Variants in XDH observed in about 807,000 individuals in gnomAD.
The protein encoded by XDH is xanthine dehydrogenase.
XDH carries 138 observed loss-of-function variants against 156.1 expected under a neutral mutation model. The observed-to-expected ratio is 0.88, with a 90% CI of 0.77 to 1.02. The LOEUF is 1.02. Ranked by LOEUF, XDH falls within the 50% of genes least tolerant of loss-of-function variation. XDH has a pLI of 0.00. For missense variants in XDH, 1,849 were observed against 1,684.9 expected (o/e 1.10, Z -1.71); for synonymous variants, 669 against 625.7 (o/e 1.07, Z -1.03).
chr2:31,342,028 C>T (rs1166533702), intron 32 of XDH, among the ~76,000 whole-genome samples, 155 bp downstream of exon 32: 1 of 152,296 alleles, frequency 6.6e-6, no homozygotes. Flanking sequence ...GTCTAAAACA[C>T]TTACTCTGTG....
In XDH at chr2:31,366,983, T is replaced by C. The variant is rs1685931438; in HGVS notation, c.2209A>G (p.Ile737Val). ...ADNVVSGEIY[I>V]GGQEHFYLET... The stretch of plus-strand genomic sequence containing the variant: ...AGGTAGAAGTGCTCTTGGCCACCGA[T>C]GTATATCTCCCCTGGGGAAGCAGTG... Residue 737 changes from isoleucine (I) to valine (V), a missense_variant, in exon 21 of 36, where the codon ATC (isoleucine) becomes GTC (valine). By Grantham distance (29) the Ile-to-Val change is conservative (BLOSUM62 3). Coordinates refer to ENST00000379416, the MANE Select transcript of XDH (RefSeq NM_000379.4). 1 of 1,614,112 alleles carries C rather than the reference T, an allele frequency of 6.2e-7. No individual in the cohort carries two copies.
intron 6 of XDH, among the ~76,000 whole-genome samples, chr2:31,390,344 A>C (rs943800434): frequency 3.3e-5 from 5 of 152,216 alleles, no homozygotes; most frequent in African/African-American, 7.2e-5. Context: ...TCATAGCTTG[A>C]TAGCTCCTTT....
At position 31,403,114 on chromosome 2, in the gene XDH, C is replaced by A. The variant is rs938507515; in HGVS notation, c.131G>T (p.Gly44Val). The change falls in exon 3 of 36, where the codon GGA becomes GTA. Residue 44 changes from glycine to valine, a missense_variant. Physicochemically the swap from Gly to Val is moderately radical, Grantham distance 109 (BLOSUM62 -3). Transcript: ENST00000379416. ...TGTGCAAGCCCCGCAGCCCCCCTCT[C>A]CACAGCCGAGCTTGGTTCCACTCAG... ...LGLSGTKLGC[G>V]EGGCGACTVM... 6.2e-6 allele frequency: 10 copies of A among 1,614,076 alleles called. No homozygotes were observed. The highest frequency in any genetic ancestry group is 8.5e-6 in the Non-Finnish European group (10 of 1,180,050).
Position 31,375,392 on chromosome 2 carries a change from C to A in XDH, c.1590G>T (p.Glu530Asp). ...AGGCCCCACTCACGTCTTCCAGGTT[C>A]TCTTGGCCCAGCTTCTGAAGGACTG... Reference protein sequence around the residue: ...YLTVLQKLGQENLEDKCGKLD... With the variant: ...YLTVLQKLGQDNLEDKCGKLD... Residue 530 changes from glutamate (E) to aspartate (D), a missense_variant, in exon 15 of 36, where the codon GAG becomes GAT. Glu to Asp is a conservative substitution (Grantham distance 45). Transcript: ENST00000379416. The A allele has an allele frequency of 6.2e-7, 1 of 1,614,194 alleles. No individual in the cohort carries two copies. The highest frequency in any genetic ancestry group is 8.5e-7 in the Non-Finnish European group (1 of 1,180,040).
rs45538232 is a variant in XDH at position 31,369,334 on chromosome 2, A to G, written c.1981-674T>C. On this transcript the variant is annotated intron_variant, in intron 18 of 35. Transcript: ENST00000379416. ...CCCATAAAAATATTTTTAAAAATTT[A>G]TATGATAATGATTGTTGTTTTATTT... 6.2e-3 allele frequency among the ~76,000 whole-genome samples: 945 copies of G among 152,328 alleles called. 8 individuals are homozygous for G. Among genetic ancestry groups the G allele is most frequent in the African/African-American group, 0.022 (907 of 41,580 alleles).
chr2:31,378,102 G>GAAAT (rs1686307895), intron 13 of XDH, among the ~76,000 whole-genome samples: 5 of 60,318 alleles, frequency 8.3e-5, no homozygotes, highest in Admixed American at 3.9e-4. Flanking sequence ...AAGAAAGAAA[G>GAAAT]AAAGAAAGGA....
intron 24 of XDH, among the ~76,000 whole-genome samples, chr2:31,357,389 G>A (rs1468463668): frequency 1.3e-5 from 2 of 152,040 alleles, no homozygotes; most frequent in African/African-American, 4.8e-5. Context: ...TACCAAATCA[G>A]GATTGAAACA....
At chr2:31,389,088 G>T (rs1302109736) in intron 6 of XDH, among the ~76,000 whole-genome samples, 1 of 152,198 alleles carries the variant, frequency 6.6e-6, no homozygotes, top group Non-Finnish European at 1.5e-5. Flanking sequence ...GTGCTGAGAT[G>T]AAAAAGTAGG....
chr2:31,346,914 G>A (rs764856387), intron 29 of XDH, 71 bp from the exon 30 acceptor site: 239 of 1,604,070 alleles, frequency 1.5e-4, no homozygotes, highest in Non-Finnish European at 1.9e-4. Flanking sequence ...AAAACCCGAG[G>A]GCCCCAGCAA....
chr2:31,404,811 ACAAAGTACAC>A (rs1687151797), intron 2 of XDH, among the ~76,000 whole-genome samples: 1 of 152,170 alleles, frequency 6.6e-6, no homozygotes, highest in African/African-American at 2.4e-5. Flanking sequence ...AAAATCCAGA[ACAAAGTACAC>A]CAAAGCCAAC....
At chr2:31,344,326 CAGG>C (rs1233501875) in intron 31 of XDH, among the ~76,000 whole-genome samples, 1 of 152,136 alleles carries the variant, frequency 6.6e-6, no homozygotes, top group African/African-American at 2.4e-5. Flanking sequence ...CTGGTTTCTG[CAGG>C]AGAACACTGA....
intron 2 of XDH, 66 bp downstream of exon 2, chr2:31,405,841 T>A: frequency 6.3e-7 from 1 of 1,583,860 alleles, no homozygotes; most frequent in Middle Eastern, 1.7e-4. Flanking sequence ...GGAAACAATG[T>A]AAGGCCTACA....
chr2:31,347,079 G>C (rs1685318213), intron 29 of XDH, among the ~76,000 whole-genome samples: 1 of 152,196 alleles, frequency 6.6e-6, no homozygotes, highest in Non-Finnish European at 1.5e-5. Context: ...TCAATTCTTA[G>C]GCTGACAGAG....
At chr2:31,344,601 T>C in intron 31 of XDH, 83 bp downstream of exon 31, 5 of 1,511,472 alleles carry the variant, frequency 3.3e-6, no homozygotes, top group East Asian at 2.3e-5. Flanking sequence ...GACCACAGCC[T>C]GGCAGGATTC....
In XDH at chr2:31,336,023, T is replaced by C. The variant is rs751049317; in HGVS notation, c.3952-15A>G. 1.9e-6 allele frequency: 3 copies of C among 1,614,132 alleles called. No individual in the cohort carries two copies. Among genetic ancestry groups the C allele is most frequent in the East Asian group, 2.2e-5 (1 of 44,876 alleles). On this transcript the variant is annotated splice_polypyrimidine_tract_variant and intron_variant, in intron 35 of 35. Coordinates refer to ENST00000379416, the MANE Select transcript of XDH (RefSeq NM_000379.4). ...CCAGTGACACACTAGGAAGGAATGA[T>C]AGTGTTCTCATTGCCAGGGTCTGCT...
chr2:31,412,522 A>G (rs535563858), intron 1 of XDH, among the ~76,000 whole-genome samples: 5 of 152,110 alleles, frequency 3.3e-5, no homozygotes, highest in Non-Finnish European at 5.9e-5. Context: ...TAGGAGATAT[A>G]CCTAATGTAA....
chr2:31,343,539 CAT>C (rs1162519227), intron 31 of XDH, among the ~76,000 whole-genome samples: 1 of 140,654 alleles, frequency 7.1e-6, no homozygotes, highest in Non-Finnish European at 1.5e-5. Flanking sequence ...ATGTATAAGG[CAT>C]ATATATATGC....
chr2:31,402,274 A>C (rs927056390), intron 3 of XDH, among the ~76,000 whole-genome samples: 2 of 152,202 alleles, frequency 1.3e-5, no homozygotes, highest in African/African-American at 4.8e-5. Flanking sequence ...AATTGTAACC[A>C]ATCAAATAAT....
intron 10 of XDH, 60 bp from the exon 11 acceptor site, chr2:31,383,212 G>C: frequency 6.2e-7 from 1 of 1,612,166 alleles, no homozygotes; most frequent in South Asian, 1.1e-5. Context: ...AGGCTTTCAT[G>C]CACAGCTCCT....
Sources: allele counts gnomAD v4.1 joint callset (sites outside exome capture counted in the v4.1 genomes callset), GRCh38; gene constraint gnomAD v4.1.1; transcripts MANE v1.5; gene names NCBI Gene and HGNC (gene_info 2026-07-23, HGNC 2026-07-21).